The following PDE1A variants were observed in gnomAD, a reference collection of about 807,000 sequenced individuals.
The protein encoded by PDE1A is dual specificity calcium/calmodulin-dependent 3',5'-cyclic nucleotide phosphodiesterase 1A.
A neutral mutation model predicts 61.7 loss-of-function variants in PDE1A; 35 were observed. The ratio of observed to expected loss-of-function variants is 0.57; its 90% CI spans 0.43 to 0.75. The LOEUF (loss-of-function observed/expected upper bound fraction) is 0.75, where lower values mean the gene tolerates loss of function less well. PDE1A is among the 30% of genes least tolerant of loss of function. The pLI is 0.00. For missense variants in PDE1A, 597 were observed against 630.6 expected (o/e 0.95, Z 0.57); for synonymous variants, 232 against 213.2 (o/e 1.09, Z -0.77).
chr2:182,176,264 A>T lies in PDE1A; in HGVS notation c.1517-7974T>A, dbSNP rs1189718873. Among the ~76,000 whole-genome samples, 166 of 148,014 alleles carry T rather than the reference A, an allele frequency of 1.1e-3. 9 individuals are homozygous for T. The highest frequency in any genetic ancestry group is 9.5e-3 in the South Asian group (45 of 4,744). On this transcript the variant is annotated intron_variant, in intron 13 of 13. Coordinates refer to ENST00000351439, the Ensembl canonical transcript of PDE1A. Reference sequence around the variant, plus strand: ...GATGGGGATGGCATTGAATCTGTAAATTACCTTGGGCAGTATGGCCATTTT... The same window carrying T: ...GATGGGGATGGCATTGAATCTGTAATTTACCTTGGGCAGTATGGCCATTTT...
the PDE1A span, among the ~76,000 whole-genome samples, chr2:182,685,274 T>C: frequency 1.3e-5 from 2 of 152,158 alleles, no homozygotes; most frequent in African/African-American, 4.8e-5. Context: ...CCACTGCTTA[T>C]TGTTAGTCTT....
chr2:182,465,257 T>C (rs1345311126), intron 2 of PDE1A, among the ~76,000 whole-genome samples: 2 of 152,134 alleles, frequency 1.3e-5, no homozygotes, highest in African/African-American at 2.4e-5. Context: ...GTGGAATAAC[T>C]AGCTTTGCTT....
chr2:182,203,339 C>A (rs544205483), intron 8 of PDE1A, among the ~76,000 whole-genome samples: 1 of 151,706 alleles, frequency 6.6e-6, no homozygotes, highest in Non-Finnish European at 1.5e-5. Context: ...CAAAACAAAA[C>A]TACATATTGA....
intron 2 of PDE1A, among the ~76,000 whole-genome samples, chr2:182,521,096 T>C (rs958472803): frequency 6.6e-6 from 1 of 151,990 alleles, no homozygotes; most frequent in Non-Finnish European, 1.5e-5. Flanking sequence ...CATGTATTAC[T>C]TCAAGAAGTA....
At chr2:182,369,314 T>C (rs915612068) in intron 1 of PDE1A, among the ~76,000 whole-genome samples, 1 of 152,236 alleles carries the variant, frequency 6.6e-6, no homozygotes, top group African/African-American at 2.4e-5. Context: ...TGTTTTTATA[T>C]AATAGCTTCT....
chr2:182,479,263 G>T (rs1042057712), intron 2 of PDE1A, among the ~76,000 whole-genome samples: 2 of 151,790 alleles, frequency 1.3e-5, no homozygotes, highest in African/African-American at 2.4e-5. Context: ...GCATCTTAAG[G>T]ATGCATAAAA....
chr2:182,558,328 T>G, the PDE1A span, among the ~76,000 whole-genome samples: 1 of 152,078 alleles, frequency 6.6e-6, no homozygotes, highest in African/African-American at 2.4e-5. Flanking sequence ...GATTTAAGAT[T>G]AACATTGTCA....
chr2:182,656,126 T>C, the PDE1A span, among the ~76,000 whole-genome samples: 1 of 152,220 alleles, frequency 6.6e-6, no homozygotes, highest in African/African-American at 2.4e-5. Context: ...TTTTACCTTC[T>C]ACCTGTTGCA....
chr2:182,690,613 C>T, the PDE1A span, among the ~76,000 whole-genome samples: 321 of 152,308 alleles, frequency 2.1e-3, 2 homozygotes, highest in African/African-American at 7.3e-3. Flanking sequence ...CCTTTGAAAA[C>T]TGGCACAAGA....
chr2:182,705,245 GC>G, the PDE1A span, among the ~76,000 whole-genome samples: 1 of 152,080 alleles, frequency 6.6e-6, no homozygotes, highest in African/African-American at 2.4e-5. Flanking sequence ...AGCTCACGTA[GC>G]CTAATTAATA....
chr2:182,464,458 G>C (rs1686520626), intron 2 of PDE1A, among the ~76,000 whole-genome samples: 1 of 152,022 alleles, frequency 6.6e-6, no homozygotes, highest in Non-Finnish European at 1.5e-5. Flanking sequence ...TGCTTAAACT[G>C]ACCAAATACC....
chr2:182,231,151 T>C lies in PDE1A; in HGVS notation c.418-20A>G. ...AACATCCTGTAGAAAAAAGAATAAA[T>C]ACTTTAGGTGCCAATATCATACTGT... On this transcript the variant is annotated intron_variant, in intron 4 of 13. Transcript: ENST00000351439. 1.7e-6 allele frequency: 2 copies of C among 1,208,510 alleles called. No individual in the cohort carries two copies. Among genetic ancestry groups the C allele is most frequent in the Non-Finnish European group, 2.4e-6 (2 of 818,306 alleles). The allele number at this position is 1,208,510 out of a possible 1,614,324, so 74.9% of individuals were successfully genotyped here. A position where few individuals can be genotyped will look rare whatever the true frequency, so the allele number is the denominator to read the frequency against.
chr2:182,274,717 T>C (rs1448033088), intron 1 of PDE1A, among the ~76,000 whole-genome samples: 1 of 152,110 alleles, frequency 6.6e-6, no homozygotes, highest in African/African-American at 2.4e-5. Context: ...TTCTTTCATG[T>C]ATGTATGAAT....
intron 2 of PDE1A, among the ~76,000 whole-genome samples, chr2:182,477,954 G>A (rs891009737): frequency 6.6e-6 from 1 of 151,712 alleles, no homozygotes; most frequent in East Asian, 1.9e-4. Flanking sequence ...AGAAAAGGTG[G>A]GATTTTATTG....
upstream of PDE1A, among the ~76,000 whole-genome samples, chr2:182,428,924 A>G (rs1309624397): frequency 6.6e-6 from 1 of 152,124 alleles, no homozygotes; most frequent in Non-Finnish European, 1.5e-5. Flanking sequence ...ACTAATAAAC[A>G]TCTAGCCAAG....
chr2:182,235,435 C>G (rs1384586912), intron 3 of PDE1A, among the ~76,000 whole-genome samples: 1 of 152,240 alleles, frequency 6.6e-6, no homozygotes, highest in Non-Finnish European at 1.5e-5. Flanking sequence ...AGCCACCACG[C>G]CCAGCCAACA....
the PDE1A span, among the ~76,000 whole-genome samples, chr2:182,708,923 G>A: frequency 6.6e-6 from 1 of 152,118 alleles, no homozygotes; most frequent in East Asian, 1.9e-4. Context: ...AATAGTATCT[G>A]AGAATTATAA....
the PDE1A span, among the ~76,000 whole-genome samples, chr2:182,662,319 G>T: frequency 7.5e-6 from 1 of 133,834 alleles, no homozygotes; most frequent in African/African-American, 3.2e-5. Context: ...ATATAGGAGA[G>T]CTTAAAAATT....
chr2:182,651,059 T>A, the PDE1A span, among the ~76,000 whole-genome samples: 1 of 152,198 alleles, frequency 6.6e-6, no homozygotes, highest in Admixed American at 6.5e-5. Flanking sequence ...CAGACTGGAG[T>A]GCAATGGCAT....
Sources: gnomAD v4.1 joint callset for allele counts (sites outside exome capture counted in the v4.1 genomes callset) on GRCh38, gnomAD v4.1.1 for gene constraint, MANE v1.5 for transcripts, NCBI Gene and HGNC (gene_info 2026-07-23, HGNC 2026-07-21) for gene names.